Variants in DAB2 observed in about 807,000 individuals in gnomAD.
DAB2 encodes disabled homolog 2.
Under a neutral mutation model 71.6 loss-of-function variants are expected in DAB2, and 28 were observed. The observed-to-expected ratio is 0.39, with a 90% confidence interval of 0.29 to 0.54. The LOEUF is 0.54. Among genes scored for constraint, DAB2 ranks in the 20% least tolerant of loss-of-function variants. The pLI is 0.68. For synonymous variants in DAB2, 345 were observed against 339.7 expected (o/e 1.02, Z -0.17); for missense variants, 867 against 928.8 (o/e 0.93, Z 0.86).
intron 11 of DAB2, 137 bp from the exon 12 acceptor site, chr5:39,377,419 T>C (rs1357789488): frequency 1.2e-6 from 1 of 849,742 alleles, no homozygotes; most frequent in East Asian, 2.5e-5. Context: ...ATGGGAAGAA[T>C]ATGACAGATT....
Position 39,376,059 on chromosome 5 carries a change from A to G in DAB2, c.2185T>C (p.Ser729Pro). Residue 729 changes from serine (S) to proline (P), a missense_variant, in exon 13 of 15, where the codon TCT becomes CCT. Ser to Pro is a moderately conservative substitution (Grantham distance 74). Around this residue, in one of 2 missense-constraint regions of DAB2, gnomAD observed 740 missense variants for 734.3 expected, o/e 1.01. Coordinates refer to ENST00000320816, the MANE Select transcript of DAB2 (RefSeq NM_001343.4). ...GGGTTCTCAAATGCATTGTCAGTAG[A>G]TTTGGTAACTGGCAGGGAAACTTGT... Reference protein sequence around the residue: ...PRQVSLPVTKSTDNAFENPFF... With the variant: ...PRQVSLPVTKPTDNAFENPFF... 6.2e-7 allele frequency: 1 copy of G among 1,614,118 alleles called. No individual in the cohort carries two copies. The highest frequency in any genetic ancestry group is 8.5e-7 in the Non-Finnish European group (1 of 1,179,984).
chr5:39,383,815 G>T (rs1755035639), intron 9 of DAB2, among the ~76,000 whole-genome samples: 1 of 152,136 alleles, frequency 6.6e-6, no homozygotes, highest in Admixed American at 6.5e-5. Context: ...TATAGTTCTG[G>T]CTGTGATGAA....
At position 39,377,082 on chromosome 5, in the gene DAB2, C is replaced by G; in HGVS notation, c.1705G>C (p.Val569Leu). Residue 569 changes from valine (V) to leucine (L), a missense_variant, in exon 12 of 15, where the codon GTG (valine) becomes CTG (leucine). Physicochemically the swap from Val to Leu is conservative, Grantham distance 32. Coordinates refer to ENST00000320816, the MANE Select transcript of DAB2 (RefSeq NM_001343.4). ...GCAGAAGGGCCCCAGACAACAGGCACTGGAGGGGGAGTTGAGGCTGCAAAG... is the reference window on the plus strand; with the variant it reads ...GCAGAAGGGCCCCAGACAACAGGCAGTGGAGGGGGAGTTGAGGCTGCAAAG... ...SPFAASTPPP[V>L]PVVWGPSASV... 1 of 1,614,150 alleles carries G rather than the reference C, an allele frequency of 6.2e-7. No individual in the cohort carries two copies.
At chr5:39,387,549 T>C (rs546036644) in intron 9 of DAB2, 3 of 152,316 alleles carry the variant, frequency 2.0e-5, no homozygotes, top group African/African-American at 7.2e-5. Flanking sequence ...AAATAGCAGG[T>C]GCTCAGGAAA....
In DAB2 at chr5:39,372,137, A is replaced by T. The variant is rs879698170; in HGVS notation, c.*1294T>A. On this transcript the variant is annotated 3_prime_UTR_variant, in exon 15 of 15. Transcript: ENST00000320816. ...AACCCAACATAAACAAAACAAAACA[A>T]AACTTATTTTGACAATAATAAACCC... is the stretch of plus-strand genomic sequence containing the variant. 2 of 152,212 alleles carry T rather than the reference A, an allele frequency of 1.3e-5. No homozygotes were observed. The highest frequency in any genetic ancestry group is 6.5e-5 in the Admixed American group (1 of 15,278). The allele number at this position is 152,212 out of a possible 1,614,324, so 9.4% of individuals were successfully genotyped here.
At chr5:39,399,705 T>A (rs1755452631) in intron 1 of DAB2, among the ~76,000 whole-genome samples, 1 of 152,178 alleles carries the variant, frequency 6.6e-6, no homozygotes, top group African/African-American at 2.4e-5. Context: ...AGAAATTTAT[T>A]CTGGAAGACT....
intron 11 of DAB2, 85 bp downstream of exon 11, chr5:39,381,369 G>A (rs1754976056): frequency 7.2e-7 from 1 of 1,393,660 alleles, no homozygotes; most frequent in Non-Finnish European, 9.9e-7. Flanking sequence ...AAAACCCTCT[G>A]GGAGTATGAA....
intron 3 of DAB2, among the ~76,000 whole-genome samples, chr5:39,392,704 AC>A (rs1185930484): frequency 2.0e-5 from 3 of 152,170 alleles, no homozygotes; most frequent in African/African-American, 7.2e-5. Context: ...CAGAATAGTC[AC>A]TGGTAAAGCT....
chr5:39,407,949 A>C (rs572128648), intron 1 of DAB2, among the ~76,000 whole-genome samples: 3 of 152,334 alleles, frequency 2.0e-5, no homozygotes, highest in Middle Eastern at 6.8e-3. Flanking sequence ...TCCTCTTCCG[A>C]AAACCAGTGC....
intron 1 of DAB2, among the ~76,000 whole-genome samples, chr5:39,411,732 T>C (rs1561379451): frequency 6.6e-6 from 1 of 152,192 alleles, no homozygotes; most frequent in Non-Finnish European, 1.5e-5. Flanking sequence ...AGACTCAATA[T>C]TGCAGACAAG....
chr5:39,389,065 A>G, intron 7 of DAB2, 32 bp downstream of exon 7: 3 of 1,608,956 alleles, frequency 1.9e-6, no homozygotes, highest in Non-Finnish European at 1.7e-6. Flanking sequence ...TGTCACACAC[A>G]TGATTAACAA....
At chr5:39,385,000 A>G (rs62358397) in intron 9 of DAB2, among the ~76,000 whole-genome samples, 4,359 of 152,224 alleles carry the variant, frequency 0.029, 76 homozygotes, top group Non-Finnish European at 0.043. Context: ...AAAATACCCA[A>G]TTGTTTAGAA....
At chr5:39,411,775 C>G (rs771881015) in intron 1 of DAB2, among the ~76,000 whole-genome samples, 1 of 152,114 alleles carries the variant, frequency 6.6e-6, no homozygotes, top group Non-Finnish European at 1.5e-5. Flanking sequence ...AAGTAATGAC[C>G]AAGCCCTTCC....
chr5:39,400,066 C>T (rs1346296340), intron 1 of DAB2, among the ~76,000 whole-genome samples: 1 of 152,114 alleles, frequency 6.6e-6, no homozygotes, highest in African/African-American at 2.4e-5. Flanking sequence ...TTGCCAGTCT[C>T]AAAATGCTGG....
At chr5:39,394,729 T>C (rs559052826) in intron 1 of DAB2, among the ~76,000 whole-genome samples, 2 of 147,016 alleles carry the variant, frequency 1.4e-5, no homozygotes, top group East Asian at 2.0e-4. Context: ...GTATTAAAGA[T>C]AGGGATCGAA....
intron 1 of DAB2, among the ~76,000 whole-genome samples, chr5:39,414,445 A>G (rs1446061349): frequency 4.6e-5 from 7 of 152,178 alleles, no homozygotes; most frequent in African/African-American, 1.7e-4. Context: ...AAACAGAAGG[A>G]GAATAAGAAG....
chr5:39,388,950 TCATCTTTTAACTAAA>T, intron 7 of DAB2, 98 bp from the exon 8 acceptor site: 12 of 1,318,028 alleles, frequency 9.1e-6, no homozygotes, highest in Non-Finnish European at 1.3e-5. Context: ...GGTTTTGGTA[TCATCTTTTAACTAAA>T]CATCTTTCAT....
intron 1 of DAB2, among the ~76,000 whole-genome samples, chr5:39,400,986 C>T (rs1314973032): frequency 2.0e-5 from 3 of 152,222 alleles, no homozygotes; most frequent in Non-Finnish European, 4.4e-5. Context: ...ACAGCCTTCA[C>T]TGCTATCTTC....
At chr5:39,400,231 CTCTT>C (rs1462139189) in intron 1 of DAB2, among the ~76,000 whole-genome samples, 3 of 151,216 alleles carry the variant, frequency 2.0e-5, no homozygotes, top group African/African-American at 7.3e-5. Flanking sequence ...GAATGTGTCT[CTCTT>C]TTTTTTTTTT....
Sources: allele counts gnomAD v4.1 joint callset (sites outside exome capture counted in the v4.1 genomes callset), GRCh38; gene constraint gnomAD v4.1.1; regional missense constraint gnomAD v4.1.1; transcripts MANE v1.5; gene names NCBI Gene and HGNC (gene_info 2026-07-23, HGNC 2026-07-21).